Variants in THSD7B observed in about 807,000 individuals in gnomAD.
The protein encoded by THSD7B is thrombospondin type-1 domain-containing protein 7B.
A neutral mutation model predicts 213.6 loss-of-function variants in THSD7B; 138 were observed. The ratio of observed to expected loss-of-function variants is 0.65; its 90% CI spans 0.56 to 0.74. THSD7B has a LOEUF of 0.74. Among genes scored for constraint, THSD7B ranks in the 30% least tolerant of loss-of-function variants. THSD7B has a pLI of 0.00. For missense variants in THSD7B, 1,931 were observed against 1,991.5 expected (o/e 0.97, Z 0.58); for synonymous variants, 742 against 687.0 (o/e 1.08, Z -1.25).
At chr2:137,381,427 A>G (rs1426888329) in intron 12 of THSD7B, among the ~76,000 whole-genome samples, 5 of 152,218 alleles carry the variant, frequency 3.3e-5, no homozygotes, top group African/African-American at 1.2e-4. Context: ...ATGCCTGGCT[A>G]CATATTTCAG....
At chr2:137,133,211 C>T (rs1688773665) in intron 5 of THSD7B, among the ~76,000 whole-genome samples, 2 of 152,138 alleles carry the variant, frequency 1.3e-5, no homozygotes, top group Admixed American at 1.3e-4. Flanking sequence ...TCTCTTTCCA[C>T]TGTCTCACCT....
At position 137,378,694 on chromosome 2, in the gene THSD7B, C is replaced by T. The variant is rs565758791; in HGVS notation, c.2501-26919C>T. 1.5e-3 allele frequency among the ~76,000 whole-genome samples: 236 copies of T among 152,258 alleles called. 1 individual carries two copies. Among genetic ancestry groups the T allele is most frequent in the Middle Eastern group, 6.8e-3 (2 of 294 alleles). ...CTACTTGTCTGGAAGAGCCTGATTT[C>T]CTGACTTGGCTAGGAAGTTAATTTG... On this transcript the variant is annotated intron_variant, in intron 12 of 27. Coordinates refer to ENST00000409968, the MANE Select transcript of THSD7B (RefSeq NM_001316349.2).
chr2:136,865,938 G>A (rs1322708565), intron 1 of THSD7B, among the ~76,000 whole-genome samples: 1 of 152,186 alleles, frequency 6.6e-6, no homozygotes, highest in Non-Finnish European at 1.5e-5. Flanking sequence ...GGGTTAAGGT[G>A]CAGCTGTGGC....
chr2:137,406,717 C>T (rs1437245348), intron 13 of THSD7B, among the ~76,000 whole-genome samples: 1 of 152,206 alleles, frequency 6.6e-6, no homozygotes, highest in African/African-American at 2.4e-5. Context: ...GAGGCTTTAA[C>T]AGGATTTCTG....
chr2:136,947,864 T>C (rs1369919071), intron 2 of THSD7B, among the ~76,000 whole-genome samples: 1 of 152,208 alleles, frequency 6.6e-6, no homozygotes, highest in African/African-American at 2.4e-5. Flanking sequence ...CTGTGGATCA[T>C]TCCAAAGTAT....
intron 1 of THSD7B, among the ~76,000 whole-genome samples, chr2:136,799,526 A>G (rs915255608): frequency 1.3e-5 from 2 of 151,966 alleles, no homozygotes; most frequent in Non-Finnish European, 2.9e-5. Flanking sequence ...CGGGTCAGCT[A>G]TATTGCACAT....
chr2:137,284,427 C>A (rs1173878431), intron 12 of THSD7B, among the ~76,000 whole-genome samples: 1 of 151,996 alleles, frequency 6.6e-6, no homozygotes, highest in African/African-American at 2.4e-5. Flanking sequence ...TTAGTTATTT[C>A]TTGCCTTCTG....
At chr2:137,453,627 C>T (rs1384364231) in intron 15 of THSD7B, among the ~76,000 whole-genome samples, 1 of 152,102 alleles carries the variant, frequency 6.6e-6, no homozygotes, top group Non-Finnish European at 1.5e-5. Context: ...CTGCACCTGG[C>T]TTGAAATTTA....
intron 17 of THSD7B, among the ~76,000 whole-genome samples, chr2:137,612,209 A>G (rs1558859444): frequency 6.6e-6 from 1 of 152,206 alleles, no homozygotes; most frequent in African/African-American, 2.4e-5. Context: ...ACATAGTCCC[A>G]AATTATAATG....
chr2:137,315,517 C>A (rs1449277429), intron 12 of THSD7B, among the ~76,000 whole-genome samples: 7 of 152,112 alleles, frequency 4.6e-5, no homozygotes, highest in Non-Finnish European at 8.8e-5. Context: ...CCTATTCAGC[C>A]ATCTTGGCTC....
chr2:137,456,812 A>G (rs1162509817), intron 15 of THSD7B, among the ~76,000 whole-genome samples: 5 of 152,258 alleles, frequency 3.3e-5, no homozygotes, highest in Non-Finnish European at 7.3e-5. Context: ...GATTTAATTT[A>G]GAAGACAAAA....
chr2:137,313,619 T>C (rs957201824), intron 12 of THSD7B, among the ~76,000 whole-genome samples: 1 of 152,036 alleles, frequency 6.6e-6, no homozygotes, highest in Non-Finnish European at 1.5e-5. Flanking sequence ...CTTTACATTT[T>C]GGCATGATTT....
chr2:136,978,107 G>A (rs1166699417), intron 2 of THSD7B, among the ~76,000 whole-genome samples: 1 of 152,074 alleles, frequency 6.6e-6, no homozygotes, highest in African/African-American at 2.4e-5. Context: ...CCTTGAATAA[G>A]TTTCTTAACC....
intron 2 of THSD7B, among the ~76,000 whole-genome samples, chr2:136,890,519 T>C (rs1205134862): frequency 5.8e-5 from 4 of 69,034 alleles, no homozygotes; most frequent in African/African-American, 1.1e-4. Context: ...TCTTCTTCTT[T>C]CTTCTTCTTC....
chr2:137,538,458 T>C, intron 15 of THSD7B: 1 of 514,082 alleles, frequency 1.9e-6, no homozygotes, highest in East Asian at 5.5e-5. Context: ...CTTTTGCTTA[T>C]CATGCACTGC....
intron 15 of THSD7B, among the ~76,000 whole-genome samples, chr2:137,514,288 G>A (rs1340977977): frequency 2.6e-5 from 4 of 152,120 alleles, no homozygotes; most frequent in African/African-American, 9.7e-5. Context: ...ATCCGGGTGG[G>A]CACCATCTAA....
At chr2:136,980,764 G>A (rs540291686) in intron 2 of THSD7B, among the ~76,000 whole-genome samples, 6 of 152,306 alleles carry the variant, frequency 3.9e-5, no homozygotes, top group African/African-American at 1.4e-4. Context: ...GTGGGTTCAT[G>A]AGGGTATCTT....
intron 12 of THSD7B, among the ~76,000 whole-genome samples, chr2:137,319,366 T>C (rs1684212341): frequency 6.6e-6 from 1 of 152,122 alleles, no homozygotes. Context: ...TCTTATTCCA[T>C]GTGATCTGTA....
At chr2:137,669,110 C>G (rs947862739) in intron 27 of THSD7B, among the ~76,000 whole-genome samples, 2 of 152,050 alleles carry the variant, frequency 1.3e-5, no homozygotes, top group South Asian at 2.1e-4. Context: ...CAAAGTGTTA[C>G]TTCAATTTTT....
Sources: allele counts gnomAD v4.1 joint callset (sites outside exome capture counted in the v4.1 genomes callset), GRCh38; gene constraint gnomAD v4.1.1; transcripts MANE v1.5; gene names NCBI Gene and HGNC (gene_info 2026-07-23, HGNC 2026-07-21).